Variants in DENND4C observed in about 807,000 individuals in gnomAD.
DENND4C encodes the protein DENN domain containing 4C.
In DENND4C, 108 loss-of-function variants were observed where a neutral mutation model predicts 203.0. The ratio of observed to expected loss-of-function variants is 0.53; its 90% CI spans 0.46 to 0.62. The LOEUF (loss-of-function observed/expected upper bound fraction) is 0.62, where lower values mean the gene tolerates loss of function less well. Ranked by LOEUF, DENND4C falls within the 20% of genes least tolerant of loss-of-function variation. The pLI is 0.00. For missense variants in DENND4C, 2,481 were observed against 2,301.2 expected (o/e 1.08, Z -1.60); for synonymous variants, 871 against 792.4 (o/e 1.10, Z -1.67).
rs1840671204 is a variant in DENND4C, at chr9:19,311,204, ACCT to A, written c.1488-5210_1488-5208del. The stretch of plus-strand genomic sequence containing the variant: ...AGTGGCCCAATCTTGGCTCACTGCA[ACCT>A]CCACCTCCTGGGTTCAAGCAATTCT... On this transcript the variant is annotated intron_variant, in intron 10 of 32. Coordinates refer to ENST00000434457, the MANE Select transcript of DENND4C (RefSeq NM_001330640.2). Among the ~76,000 whole-genome samples the A allele has an allele frequency of 2.6e-5, 4 of 152,040 alleles. No individual in the cohort carries two copies. The South Asian group carries it at 8.3e-4, about 32-fold the overall frequency.
chr9:19,328,390 A>G (rs1253077817), intron 16 of DENND4C, among the ~76,000 whole-genome samples: 1 of 152,218 alleles, frequency 6.6e-6, no homozygotes, highest in Admixed American at 6.5e-5. Context: ...AGGTGAGCAG[A>G]TCACTTGAGG....
Position 19,288,662 on chromosome 9 carries a change from G to A in DENND4C, c.625G>A (p.Ala209Thr), listed in dbSNP as rs1835681318. 2 of 1,231,356 alleles carry A rather than the reference G, an allele frequency of 1.6e-6. No individual in the cohort carries two copies. Among genetic ancestry groups the A allele is most frequent in the Non-Finnish European group, 2.0e-6 (2 of 987,572 alleles). The allele number at this position is 1,231,356 out of a possible 1,614,324, so 76.3% of individuals were successfully genotyped here. A position where few individuals can be genotyped will look rare whatever the true frequency, so the allele number is the denominator to read the frequency against. Residue 209 changes from alanine to threonine, a missense_variant, in exon 4 of 33, where the codon GCT (alanine) becomes ACT (threonine). By Grantham distance (58) the Ala-to-Thr change is moderately conservative. This residue lies in a region of DENND4C where 2,289 missense variants were observed against 2,113.3 expected (regional missense o/e 1.08). Transcript: ENST00000434457. ...TGCTTCAAATGCAATAGCATATAAG[G>A]CTGGTAAGTGAGTTAAAAAAAATTG... is the stretch of plus-strand genomic sequence containing the variant. Reference protein sequence around the residue: ...VPASNAIAYKAGLIFRYPEED... With the variant: ...VPASNAIAYKTGLIFRYPEED...
At chr9:19,334,875 A>T in intron 17 of DENND4C, 102 bp from the exon 18 acceptor site, 1 of 1,206,874 alleles carries the variant, frequency 8.3e-7, no homozygotes, top group Non-Finnish European at 1.1e-6. Flanking sequence ...CAAAGGAGAA[A>T]ATACTGCTTA....
chr9:19,319,032 G>A (rs1349965728), intron 12 of DENND4C, among the ~76,000 whole-genome samples: 2 of 151,780 alleles, frequency 1.3e-5, no homozygotes, highest in Non-Finnish European at 2.9e-5. Flanking sequence ...AGCCAGGCAT[G>A]GTGGTGCATG....
intron 9 of DENND4C, among the ~76,000 whole-genome samples, chr9:19,305,119 G>C (rs1208125377): frequency 6.6e-6 from 1 of 152,068 alleles, no homozygotes; most frequent in African/African-American, 2.4e-5. Flanking sequence ...GCAAAAAGCT[G>C]TTAGTATTTT....
chr9:19,259,350 A>G (rs1007981045), intron 1 of DENND4C, among the ~76,000 whole-genome samples: 1 of 152,130 alleles, frequency 6.6e-6, no homozygotes, highest in Non-Finnish European at 1.5e-5. Flanking sequence ...AAGTGAAGTG[A>G]AAACGTGAAG....
At position 19,305,398 on chromosome 9, in the gene DENND4C, C is replaced by T; in HGVS notation, c.1358C>T (p.Pro453Leu). The T allele has an allele frequency of 6.2e-7, 1 of 1,613,564 alleles. No homozygotes were observed. The highest frequency in any genetic ancestry group is 1.7e-4 in the Middle Eastern group (1 of 6,058). ...QWQCPYIPLCPLSLAAVLSAP... is the reference protein window; with the variant it reads ...QWQCPYIPLCLLSLAAVLSAP... ...CAATGCCCATATATTCCCCTTTGTC[C>T]TCTTTCACTGGCTGCAGTGCTTAGT... Residue 453 changes from proline (P) to leucine (L), a missense_variant, in exon 10 of 33, where the codon CCT (proline) becomes CTT (leucine). By Grantham distance (98) the Pro-to-Leu change is moderately conservative. This residue lies in a region of DENND4C where 2,289 missense variants were observed against 2,113.3 expected (regional missense o/e 1.08). Coordinates refer to ENST00000434457, the MANE Select transcript of DENND4C (RefSeq NM_001330640.2).
chr9:19,268,351 C>G (rs1368698155), intron 1 of DENND4C, among the ~76,000 whole-genome samples: 1 of 152,124 alleles, frequency 6.6e-6, no homozygotes, highest in African/African-American at 2.4e-5. Context: ...CTGCCTACCC[C>G]CACCTCCCAG....
rs1331361248 is a variant in DENND4C, at chr9:19,259,508, T to TC, written c.-17-16650_-17-16649insC. Among the ~76,000 whole-genome samples the TC allele has an allele frequency of 8.1e-4, 121 of 149,090 alleles. 1 individual carries two copies. Among genetic ancestry groups the TC allele is most frequent in the Non-Finnish European group, 1.4e-3 (97 of 67,012 alleles). ...ACCATATTTTCTTTTCTTTTTTCTT[T>TC]TTTTTTTTTTTTTGAGATGGAGTTT... On this transcript the variant is annotated intron_variant, in intron 1 of 32. Transcript: ENST00000434457.
rs891255044 is a variant in DENND4C at position 19,276,371 on chromosome 9, C to A, written c.197C>A (p.Ala66Asp). Reference sequence around the variant, plus strand: ...CCTGAAGGTTACACCTGTGTAGAAGCCACTCCATCAGCTCTCCAAGCAAAC... The same window carrying A: ...CCTGAAGGTTACACCTGTGTAGAAGACACTCCATCAGCTCTCCAAGCAAAC... The part of the protein sequence containing the change: ...TVPEGYTCVE[A>D]TPSALQANLN... The change falls in exon 2 of 33, where the codon GCC (alanine) becomes GAC (aspartate). Residue 66 changes from alanine to aspartate, a missense_variant. By Grantham distance (126) the Ala-to-Asp change is moderately radical. This residue lies in a region of DENND4C where 187 missense variants were observed against 167.4 expected (regional missense o/e 1.12). Coordinates refer to ENST00000434457, the MANE Select transcript of DENND4C (RefSeq NM_001330640.2). 8.1e-7 allele frequency: 1 copy of A among 1,231,884 alleles called. No individual in the cohort carries two copies. Among genetic ancestry groups the A allele is most frequent in the African/African-American group, 1.6e-5 (1 of 64,408 alleles). The allele number at this position is 1,231,884 out of a possible 1,614,324, so 76.3% of individuals were successfully genotyped here. A position where few individuals can be genotyped will look rare whatever the true frequency, so the allele number is the denominator to read the frequency against.
rs536032586 is a variant in DENND4C at position 19,270,972 on chromosome 9, C to T, written c.-17-5186C>T. 3.3e-5 allele frequency among the ~76,000 whole-genome samples: 5 copies of T among 152,170 alleles called. No individual in the cohort carries two copies. The East Asian group carries it at 9.6e-4, about 29-fold the overall frequency. On this transcript the variant is annotated intron_variant, in intron 1 of 32. Coordinates refer to ENST00000434457, the MANE Select transcript of DENND4C (RefSeq NM_001330640.2). The stretch of plus-strand genomic sequence containing the variant: ...GAATTAAAAATAAAATGATGCCATT[C>T]ACAGTAGCATCTAAATTATTAAGTA...
intron 2 of DENND4C, among the ~76,000 whole-genome samples, chr9:19,279,522 C>T (rs184807510): frequency 1.3e-5 from 2 of 151,872 alleles, no homozygotes; most frequent in Admixed American, 1.3e-4. Flanking sequence ...TAAAAAAATA[C>T]AAAAATTAGT....
At chr9:19,290,954 G>C in intron 5 of DENND4C, 78 bp downstream of exon 5, 1 of 1,370,990 alleles carries the variant, frequency 7.3e-7, no homozygotes, top group East Asian at 2.4e-5. Flanking sequence ...AGTTTTATTT[G>C]AATGTTAGGA....
intron 16 of DENND4C, among the ~76,000 whole-genome samples, chr9:19,329,252 C>T (rs994270212): frequency 3.3e-5 from 5 of 152,142 alleles, no homozygotes; most frequent in South Asian, 2.1e-4. Flanking sequence ...TAGGCAACCA[C>T]AAGTCTGTTT....
chr9:19,234,983 A>T (rs549275549), intron 1 of DENND4C, among the ~76,000 whole-genome samples: 75 of 145,950 alleles, frequency 5.1e-4, no homozygotes, highest in African/African-American at 1.9e-3. Context: ...TTTTATTGAG[A>T]TGAGTCTTGC....
At chr9:19,246,327 A>G (rs1825245878) in intron 1 of DENND4C, among the ~76,000 whole-genome samples, 1 of 152,160 alleles carries the variant, frequency 6.6e-6, no homozygotes, top group Non-Finnish European at 1.5e-5. Context: ...ATGACCACAC[A>G]TATCTATTGT....
chr9:19,285,090 T>A (rs1475093615), intron 2 of DENND4C, among the ~76,000 whole-genome samples: 1 of 152,166 alleles, frequency 6.6e-6, no homozygotes, highest in Non-Finnish European at 1.5e-5. Flanking sequence ...ATAATATTTT[T>A]TTCCAAATAA....
chr9:19,255,736 G>T (rs114285509), intron 1 of DENND4C, among the ~76,000 whole-genome samples: 5,274 of 152,226 alleles, frequency 0.035, 129 homozygotes, highest in African/African-American at 0.056. Context: ...AAAACTGATA[G>T]ACTGAAAGGA....
At chr9:19,366,404 A>C (rs574262806) in intron 30 of DENND4C, among the ~76,000 whole-genome samples, 11 of 152,328 alleles carry the variant, frequency 7.2e-5, no homozygotes, top group Admixed American at 4.6e-4. Context: ...GATCGAGACC[A>C]TCCTGGCTAA....
Sources: allele counts gnomAD v4.1 joint callset (sites outside exome capture counted in the v4.1 genomes callset), GRCh38; gene constraint gnomAD v4.1.1; regional missense constraint gnomAD v4.1.1; transcripts MANE v1.5; gene names NCBI Gene and HGNC (gene_info 2026-07-23, HGNC 2026-07-21).